Variants in MYT1L observed in about 807,000 individuals in gnomAD.
MYT1L encodes myelin transcription factor 1-like protein.
Under a neutral mutation model 126.7 loss-of-function variants are expected in MYT1L, and 12 were observed. That is an observed-to-expected ratio of 0.09 (90% CI 0.06 to 0.15). The LOEUF is 0.15. MYT1L is among the 10% of genes least tolerant of loss of function. The pLI is 1.00. For missense variants in MYT1L, 979 were observed against 1,585.2 expected (o/e 0.62, Z 6.49); for synonymous variants, 541 against 604.2 (o/e 0.90, Z 1.53).
At chr2:2,166,259 A>G (rs78904253) in intron 3 of MYT1L, among the ~76,000 whole-genome samples, 3,899 of 152,208 alleles carry the variant, frequency 0.026, 75 homozygotes, top group Non-Finnish European at 0.034. Flanking sequence ...GGTCACTCAG[A>G]TAAGTCCTCA....
At chr2:2,107,916 G>A (rs975534156) in intron 3 of MYT1L, among the ~76,000 whole-genome samples, 6 of 152,126 alleles carry the variant, frequency 3.9e-5, no homozygotes, top group African/African-American at 9.7e-5. Flanking sequence ...TCTGAAACAC[G>A]GTGCTCAGAA....
At chr2:2,020,138 C>T (rs995673372) in intron 4 of MYT1L, among the ~76,000 whole-genome samples, 1 of 152,200 alleles carries the variant, frequency 6.6e-6, no homozygotes, top group Non-Finnish European at 1.5e-5. Context: ...AGCCACCATG[C>T]CCAGCCGCCA....
At chr2:2,235,936 T>C (rs1202192169) in intron 2 of MYT1L, among the ~76,000 whole-genome samples, 4 of 152,212 alleles carry the variant, frequency 2.6e-5, no homozygotes. Context: ...GAAAATCCAA[T>C]AGTTTCATTT....
chr2:2,084,772 T>G (rs1325709337), intron 3 of MYT1L, among the ~76,000 whole-genome samples: 1 of 152,218 alleles, frequency 6.6e-6, no homozygotes, highest in African/African-American at 2.4e-5. Flanking sequence ...AACTAAGTAC[T>G]GGTATAATTT....
intron 18 of MYT1L, among the ~76,000 whole-genome samples, chr2:1,859,977 G>C (rs1440470707): frequency 1.3e-5 from 2 of 152,254 alleles, no homozygotes; most frequent in African/African-American, 4.8e-5. Context: ...GGGCTGCCAC[G>C]GCAGCGTCAC....
intron 2 of MYT1L, among the ~76,000 whole-genome samples, chr2:2,236,671 T>C (rs1437411624): frequency 6.7e-6 from 1 of 149,226 alleles, no homozygotes; most frequent in Non-Finnish European, 1.5e-5. Flanking sequence ...ACCCAGCACA[T>C]CCCAACCCAA....
intron 3 of MYT1L, among the ~76,000 whole-genome samples, chr2:2,137,984 A>C (rs1301074988): frequency 6.6e-6 from 1 of 152,160 alleles, no homozygotes; most frequent in African/African-American, 2.4e-5. Flanking sequence ...AACTCAAACA[A>C]ATTTACAAGA....
At chr2:2,077,138 A>C (rs1054972357) in intron 3 of MYT1L, among the ~76,000 whole-genome samples, 2 of 152,174 alleles carry the variant, frequency 1.3e-5, no homozygotes, top group Admixed American at 6.5e-5. Flanking sequence ...AGGTTAATAG[A>C]GAGTATTTAG....
chr2:1,847,702 A>G (rs2042687611), intron 19 of MYT1L, among the ~76,000 whole-genome samples: 1 of 152,184 alleles, frequency 6.6e-6, no homozygotes, highest in Admixed American at 6.5e-5. Context: ...AAGAGTATAA[A>G]GAGGAGCCCC....
Position 2,038,433 on chromosome 2 carries a change from C to T in MYT1L, c.-158+15545G>A, listed in dbSNP as rs565884265. On this transcript the variant is annotated intron_variant, in intron 4 of 24. Transcript: ENST00000647738. ...GGTGCTTGGATTCCCCTGACTTCTC[C>T]TTCCTGCCATCACCACCCTCCTTCA... 3.9e-5 allele frequency among the ~76,000 whole-genome samples: 6 copies of T among 152,244 alleles called. No individual in the cohort carries two copies. The South Asian group carries it at 1.2e-3, about 32-fold the overall frequency.
chr2:1,797,541 C>T (rs1278036014), intron 23 of MYT1L, among the ~76,000 whole-genome samples: 1 of 152,164 alleles, frequency 6.6e-6, no homozygotes, highest in East Asian at 1.9e-4. Context: ...CTTCTGATTG[C>T]GTTTGTGTGA....
intron 3 of MYT1L, among the ~76,000 whole-genome samples, chr2:2,084,142 A>T (rs893893540): frequency 1.5e-4 from 22 of 150,916 alleles, no homozygotes; most frequent in African/African-American, 4.9e-4. Context: ...ATAGACTGAG[A>T]GGGCTACTAA....
chr2:2,301,853 A>T (rs949768377), intron 1 of MYT1L, among the ~76,000 whole-genome samples: 1 of 151,692 alleles, frequency 6.6e-6, no homozygotes, highest in Admixed American at 6.6e-5. Context: ...AAAGAAGAAA[A>T]TTTACATATG....
chr2:2,032,502 T>A (rs2066440979), intron 4 of MYT1L, among the ~76,000 whole-genome samples: 1 of 133,380 alleles, frequency 7.5e-6, no homozygotes, highest in Admixed American at 7.7e-5. Context: ...GTGCCTCTCA[T>A]CCTGTGGCCC....
At chr2:1,908,149 G>A (rs2051361791) in intron 13 of MYT1L, among the ~76,000 whole-genome samples, 1 of 152,266 alleles carries the variant, frequency 6.6e-6, no homozygotes, top group Non-Finnish European at 1.5e-5. Flanking sequence ...GTTGGCATTT[G>A]GTGGGGTTTT....
intron 14 of MYT1L, among the ~76,000 whole-genome samples, chr2:1,893,330 G>T (rs2049165041): frequency 6.6e-6 from 1 of 152,192 alleles, no homozygotes; most frequent in Admixed American, 6.5e-5. Context: ...CCAGCAGAGT[G>T]AAGAGTTACT....
intron 2 of MYT1L, among the ~76,000 whole-genome samples, chr2:2,267,117 C>T (rs945084817): frequency 5.1e-4 from 77 of 152,158 alleles, no homozygotes; most frequent in Non-Finnish European, 6.8e-4. Context: ...TGTGCAGATG[C>T]TGTAGGGGCA....
At chr2:2,037,495 C>T (rs937037120) in intron 4 of MYT1L, among the ~76,000 whole-genome samples, 2 of 151,128 alleles carry the variant, frequency 1.3e-5, no homozygotes, top group African/African-American at 4.9e-5. Context: ...GCGGCTCATG[C>T]CTGTAATCCC....
At chr2:1,909,669 G>A (rs1485665684) in intron 13 of MYT1L, among the ~76,000 whole-genome samples, 3 of 152,282 alleles carry the variant, frequency 2.0e-5, no homozygotes, top group South Asian at 4.1e-4. Context: ...TAACATTCGG[G>A]TCAGTCATTT....
Sources: gnomAD v4.1 joint callset for allele counts (sites outside exome capture counted in the v4.1 genomes callset) on GRCh38, gnomAD v4.1.1 for gene constraint, MANE v1.5 for transcripts, NCBI Gene and HGNC (gene_info 2026-07-23, HGNC 2026-07-21) for gene names.